ZNF804B: variants seen among roughly 807,000 people sequenced by gnomAD.
ZNF804B encodes zinc finger protein 804B.
In ZNF804B, 80 loss-of-function variants were observed where a neutral mutation model predicts 101.4. That is an observed-to-expected ratio of 0.79 (90% CI 0.66 to 0.95). ZNF804B has a LOEUF of 0.95. Among genes scored for constraint, ZNF804B ranks in the 40% least tolerant of loss-of-function variants. The pLI is 0.00. For missense variants in ZNF804B, 1,673 were observed against 1,561.9 expected (o/e 1.07, Z -1.20); for synonymous variants, 622 against 558.8 (o/e 1.11, Z -1.59).
chr7:89,225,966 C>G (rs1789082560), intron 2 of ZNF804B, among the ~76,000 whole-genome samples: 1 of 151,986 alleles, frequency 6.6e-6, no homozygotes, highest in Admixed American at 6.6e-5. Context: ...CAATAGGAGT[C>G]TTTATAACAA....
At chr7:88,837,286 C>A (rs148761947) in intron 1 of ZNF804B, among the ~76,000 whole-genome samples, 6 of 151,958 alleles carry the variant, frequency 3.9e-5, no homozygotes, top group Admixed American at 2.0e-4. Context: ...AATAAGTGAT[C>A]AATATTTGTT....
chr7:89,024,324 T>C (rs112471472), intron 1 of ZNF804B, among the ~76,000 whole-genome samples: 91 of 152,276 alleles, frequency 6.0e-4, no homozygotes, highest in African/African-American at 2.0e-3. Context: ...TCATGTCAAC[T>C]TATTATGGGG....
At chr7:89,282,132 C>T (rs886606983) in intron 2 of ZNF804B, among the ~76,000 whole-genome samples, 19 of 144,560 alleles carry the variant, frequency 1.3e-4, no homozygotes, top group Admixed American at 2.2e-4. Flanking sequence ...ACCTGGGAGG[C>T]GGAGCTTGCA....
chr7:89,289,731 C>T (rs1262623955), intron 2 of ZNF804B, among the ~76,000 whole-genome samples: 1 of 152,150 alleles, frequency 6.6e-6, no homozygotes, highest in Non-Finnish European at 1.5e-5. Context: ...AGCCTTGTCA[C>T]CATGGGCTAA....
At chr7:88,772,794 G>A (rs1170956683) in intron 1 of ZNF804B, among the ~76,000 whole-genome samples, 5 of 152,158 alleles carry the variant, frequency 3.3e-5, no homozygotes, top group African/African-American at 9.7e-5. Context: ...TGTATTTCAG[G>A]TGGTGGTTGC....
At chr7:89,301,641 C>T (rs1790476388) in intron 2 of ZNF804B, among the ~76,000 whole-genome samples, 1 of 151,820 alleles carries the variant, frequency 6.6e-6, no homozygotes. Context: ...TTTCACAGGA[C>T]ATATTAATAT....
intron 1 of ZNF804B, among the ~76,000 whole-genome samples, chr7:89,174,119 A>C (rs1442301314): frequency 6.6e-6 from 1 of 151,942 alleles, no homozygotes; most frequent in Non-Finnish European, 1.5e-5. Flanking sequence ...TTCTTTTAAA[A>C]TGTATAAGAG....
intron 1 of ZNF804B, among the ~76,000 whole-genome samples, chr7:88,805,536 A>G (rs1434906277): frequency 2.0e-5 from 3 of 152,164 alleles, no homozygotes; most frequent in African/African-American, 7.2e-5. Context: ...ACCTACTAAC[A>G]CTAGCAGTTG....
chr7:89,074,216 G>C (rs1789583171), intron 1 of ZNF804B, among the ~76,000 whole-genome samples: 1 of 152,140 alleles, frequency 6.6e-6, no homozygotes, highest in African/African-American at 2.4e-5. Context: ...AAAGTCAAAG[G>C]ATTTGGATTA....
intron 1 of ZNF804B, among the ~76,000 whole-genome samples, chr7:89,088,435 T>C (rs1436046637): frequency 6.6e-6 from 1 of 151,852 alleles, no homozygotes; most frequent in Non-Finnish European, 1.5e-5. Context: ...ATTTGTGACA[T>C]GCTTTTTCTC....
At chr7:88,881,431 T>C (rs1160574530) in intron 1 of ZNF804B, among the ~76,000 whole-genome samples, 1 of 152,156 alleles carries the variant, frequency 6.6e-6, no homozygotes, top group Non-Finnish European at 1.5e-5. Context: ...AATTTAAATT[T>C]AGCCCAATTC....
intron 2 of ZNF804B, among the ~76,000 whole-genome samples, chr7:89,247,748 C>T (rs1449529775): frequency 6.6e-6 from 1 of 151,988 alleles, no homozygotes; most frequent in Non-Finnish European, 1.5e-5. Context: ...CAGCCACATC[C>T]CTAACCAAAA....
chr7:89,191,247 T>C (rs1788452035), intron 1 of ZNF804B, among the ~76,000 whole-genome samples: 1 of 152,114 alleles, frequency 6.6e-6, no homozygotes, highest in Admixed American at 6.6e-5. Context: ...TTATCACATA[T>C]ATTTAAGAAA....
intron 1 of ZNF804B, among the ~76,000 whole-genome samples, chr7:89,189,807 T>A (rs1275272911): frequency 1.3e-5 from 2 of 152,156 alleles, no homozygotes; most frequent in African/African-American, 4.8e-5. Flanking sequence ...TTAAAATTAA[T>A]GTTTTTATGC....
At chr7:89,171,003 C>G (rs1365427974) in intron 1 of ZNF804B, among the ~76,000 whole-genome samples, 2 of 152,158 alleles carry the variant, frequency 1.3e-5, no homozygotes, top group Non-Finnish European at 2.9e-5. Flanking sequence ...ATGATCAAAT[C>G]CTGGGCTTAT....
At chr7:89,206,113 A>G (rs1584053301) in intron 1 of ZNF804B, among the ~76,000 whole-genome samples, 2 of 152,182 alleles carry the variant, frequency 1.3e-5, no homozygotes, top group Non-Finnish European at 2.9e-5. Context: ...CCATGGCTGG[A>G]GCAGCTGGGA....
At chr7:88,887,448 A>T (rs1056003557) in intron 1 of ZNF804B, among the ~76,000 whole-genome samples, 1 of 152,048 alleles carries the variant, frequency 6.6e-6, no homozygotes, top group Admixed American at 6.6e-5. Context: ...TCATTTTTGT[A>T]TATGGTGTAA....
At chr7:88,986,982 A>T (rs1793766996) in intron 1 of ZNF804B, among the ~76,000 whole-genome samples, 1 of 152,102 alleles carries the variant, frequency 6.6e-6, no homozygotes, top group Admixed American at 6.6e-5. Context: ...AGATAACTTG[A>T]GTCATTTCTT....
chr7:89,319,623 TC>T (rs1408840116), intron 2 of ZNF804B, among the ~76,000 whole-genome samples: 1 of 152,118 alleles, frequency 6.6e-6, no homozygotes, highest in Non-Finnish European at 1.5e-5. Context: ...AAACACATAC[TC>T]TAGGACTTTT....
Sources: gnomAD v4.1 joint callset for allele counts (sites outside exome capture counted in the v4.1 genomes callset) on GRCh38, gnomAD v4.1.1 for gene constraint, MANE v1.5 for transcripts, NCBI Gene and HGNC (gene_info 2026-07-23, HGNC 2026-07-21) for gene names.